The following NAALADL2 variants were observed in gnomAD, a reference collection of about 807,000 sequenced individuals.
NAALADL2 encodes inactive N-acetylated-alpha-linked acidic dipeptidase-like protein 2.
NAALADL2 carries 76 observed loss-of-function variants against 87.2 expected under a neutral mutation model. The observed-to-expected ratio is 0.87, with a 90% confidence interval of 0.72 to 1.05. The LOEUF is 1.05. Among genes scored for constraint, NAALADL2 ranks in the 50% least tolerant of loss-of-function variants. The pLI is 0.00. For missense variants in NAALADL2, 1,089 were observed against 945.8 expected (o/e 1.15, Z -1.99); for synonymous variants, 354 against 331.0 (o/e 1.07, Z -0.75).
intron 3 of NAALADL2, among the ~76,000 whole-genome samples, chr3:174,829,441 G>A (rs1722382064): frequency 6.9e-6 from 1 of 144,776 alleles, no homozygotes; most frequent in Non-Finnish European, 1.5e-5. Flanking sequence ...CAAAGGACAT[G>A]AACTCATCAT....
At chr3:175,283,431 T>A (rs182576708) in intron 4 of NAALADL2, among the ~76,000 whole-genome samples, 239 of 152,256 alleles carry the variant, frequency 1.6e-3, no homozygotes, top group African/African-American at 5.2e-3. Flanking sequence ...GTTTTTGTTC[T>A]GTTAGCCAGG....
At chr3:174,657,701 A>G (rs1373502050) in intron 2 of NAALADL2, among the ~76,000 whole-genome samples, 1 of 152,156 alleles carries the variant, frequency 6.6e-6, no homozygotes, top group Non-Finnish European at 1.5e-5. Context: ...GTACAAACTT[A>G]TAATATCATG....
At chr3:175,779,510 T>A (rs1999585) in intron 13 of NAALADL2, among the ~76,000 whole-genome samples, 57,491 of 145,472 alleles carry the variant, frequency 0.4, 13,864 homozygotes, top group African/African-American at 0.69. Context: ...GGGCAAAAAT[T>A]ATAATGTATT....
At chr3:174,850,882 A>T (rs1003185264) in intron 3 of NAALADL2, among the ~76,000 whole-genome samples, 1 of 150,322 alleles carries the variant, frequency 6.7e-6, no homozygotes, top group African/African-American at 2.4e-5. Context: ...GTCTTAATTT[A>T]AAAAAAAACA....
At chr3:175,650,713 G>A (rs529684775) in intron 11 of NAALADL2, among the ~76,000 whole-genome samples, 71 of 152,204 alleles carry the variant, frequency 4.7e-4, no homozygotes, top group African/African-American at 1.7e-3. Context: ...TACTTTAGAG[G>A]ATGTTTTCTC....
At chr3:175,512,125 T>C (rs77645051) in intron 9 of NAALADL2, among the ~76,000 whole-genome samples, 247 of 152,216 alleles carry the variant, frequency 1.6e-3, no homozygotes, top group African/African-American at 5.7e-3. Flanking sequence ...GTAGCTGTAG[T>C]CCTAATTACT....
chr3:174,441,236 C>T (rs990622511), intron 1 of NAALADL2, among the ~76,000 whole-genome samples: 28 of 151,964 alleles, frequency 1.8e-4, no homozygotes, highest in African/African-American at 5.6e-4. Context: ...GCCCGGCCGG[C>T]GGCGGGTTCT....
chr3:174,612,916 T>C (rs1597085), intron 2 of NAALADL2, among the ~76,000 whole-genome samples: 71,698 of 151,974 alleles, frequency 0.47, 17,637 homozygotes, highest in East Asian at 0.81. Context: ...AGTCTGAGCT[T>C]GTTTGTTCCC....
intron 4 of NAALADL2, among the ~76,000 whole-genome samples, chr3:175,295,324 A>G (rs1284603083): frequency 1.3e-5 from 2 of 152,174 alleles, no homozygotes; most frequent in African/African-American, 2.4e-5. Context: ...GGACAGACTC[A>G]TTTAGACATT....
chr3:175,006,645 G>A (rs1490659331), intron 1 of NAALADL2, among the ~76,000 whole-genome samples: 20 of 141,204 alleles, frequency 1.4e-4, no homozygotes, highest in Non-Finnish European at 1.5e-4. Flanking sequence ...TAGGAGGAAA[G>A]CAGAAAAAAA....
chr3:175,032,433 T>C (rs1752910465), intron 1 of NAALADL2, among the ~76,000 whole-genome samples: 1 of 152,088 alleles, frequency 6.6e-6, no homozygotes, highest in African/African-American at 2.4e-5. Context: ...ATATTGCTCA[T>C]TGTTTATTAA....
At chr3:175,059,937 T>C in intron 1 of NAALADL2, 1 of 417,328 alleles carries the variant, frequency 2.4e-6, no homozygotes, top group Non-Finnish European at 4.8e-6. Context: ...CATCTGCTTG[T>C]GGTGGCACAT....
intron 11 of NAALADL2, among the ~76,000 whole-genome samples, chr3:175,672,469 G>C (rs1734132769): frequency 6.6e-6 from 1 of 152,148 alleles, no homozygotes; most frequent in South Asian, 2.1e-4. Flanking sequence ...ATACTTGGCA[G>C]CTGGGCAAAG....
intron 3 of NAALADL2, among the ~76,000 whole-genome samples, chr3:174,840,557 T>C (rs1289972236): frequency 6.6e-6 from 1 of 152,182 alleles, no homozygotes; most frequent in Non-Finnish European, 1.5e-5. Flanking sequence ...GCCTCTATTT[T>C]TAGATGTACT....
intron 1 of NAALADL2, among the ~76,000 whole-genome samples, chr3:175,055,949 T>C (rs1164674042): frequency 6.6e-6 from 1 of 152,132 alleles, no homozygotes; most frequent in Non-Finnish European, 1.5e-5. Flanking sequence ...AAGGACCAAA[T>C]GTAGCTATAA....
intron 3 of NAALADL2, among the ~76,000 whole-genome samples, chr3:174,852,920 C>G (rs892430859): frequency 1.3e-5 from 2 of 152,084 alleles, no homozygotes; most frequent in African/African-American, 4.8e-5. Context: ...ATACCACAAA[C>G]TGATTTTTGA....
At chr3:175,229,316 T>C (rs2109427440) in intron 2 of NAALADL2, among the ~76,000 whole-genome samples, 1 of 152,068 alleles carries the variant, frequency 6.6e-6, no homozygotes, top group South Asian at 2.1e-4. Context: ...TGAAGAAAAT[T>C]GTTATGATTA....
At chr3:174,675,171 A>G (rs1726928809) in intron 2 of NAALADL2, among the ~76,000 whole-genome samples, 2 of 152,096 alleles carry the variant, frequency 1.3e-5, no homozygotes, top group South Asian at 2.1e-4. Flanking sequence ...TCCTTTAGCA[A>G]CTTTTGGAAA....
At chr3:174,567,475 T>A (rs1184571833) in intron 2 of NAALADL2, among the ~76,000 whole-genome samples, 1 of 151,568 alleles carries the variant, frequency 6.6e-6, no homozygotes, top group Non-Finnish European at 1.5e-5. Flanking sequence ...CCTAGTCATA[T>A]TATTTATACC....
Sources: allele counts gnomAD v4.1 joint callset (sites outside exome capture counted in the v4.1 genomes callset), GRCh38; gene constraint gnomAD v4.1.1; transcripts MANE v1.5; gene names NCBI Gene and HGNC (gene_info 2026-07-23, HGNC 2026-07-21).